The following NLGN4X variants were observed in gnomAD, a reference collection of about 807,000 sequenced individuals.
NLGN4X encodes neuroligin 4 X-linked, also known as neuroligin-4, X-linked.
A neutral mutation model predicts 40.3 loss-of-function variants in NLGN4X; 3 were observed. That is an observed-to-expected ratio of 0.07 (90% confidence interval 0.03 to 0.19). The LOEUF (loss-of-function observed/expected upper bound fraction) is 0.19, where lower values mean the gene tolerates loss of function less well. Among genes scored for constraint, NLGN4X ranks in the 10% least tolerant of loss-of-function variants. The pLI, the probability that NLGN4X is intolerant of heterozygous loss-of-function variation, is 1.00. For missense variants in NLGN4X, 382 were observed against 708.3 expected (o/e 0.54, Z 5.23); for synonymous variants, 270 against 306.8 (o/e 0.88, Z 1.25).
At position 5,891,721 on chromosome X, in the gene NLGN4X, A is replaced by C. The variant is rs2031181922; in HGVS notation, c.*1096T>G. The C allele has an allele frequency of 5.6e-6, 1 of 177,124 alleles. No homozygotes were observed. The highest frequency in any genetic ancestry group is 7.1e-5 in the Admixed American group (1 of 14,019). The allele number at this position is 177,124 out of a possible 1,213,427, so 14.6% of individuals were successfully genotyped here. A position where few individuals can be genotyped will look rare whatever the true frequency, so the allele number is the denominator to read the frequency against. On this transcript the variant is annotated 3_prime_UTR_variant, in exon 6 of 6. Coordinates refer to ENST00000381095, the MANE Select transcript of NLGN4X (RefSeq NM_181332.3). Reference sequence around the variant, plus strand: ...CTCCCTACTGATTCTTTGTGTGTGCATGTCTCTAATTTAACAAGCTGTAAA... The same window carrying C: ...CTCCCTACTGATTCTTTGTGTGTGCCTGTCTCTAATTTAACAAGCTGTAAA...
intron 2 of NLGN4X, among the ~76,000 whole-genome samples, chrX:6,056,289 A>G (rs1186016704): frequency 2.7e-5 from 3 of 111,378 alleles, no homozygotes; most frequent in Non-Finnish European, 5.6e-5. Flanking sequence ...CAGCCTGGCC[A>G]ACATGGCAAA....
At chrX:6,054,141 T>A (rs1417911238) in intron 2 of NLGN4X, among the ~76,000 whole-genome samples, 4 of 112,175 alleles carry the variant, frequency 3.6e-5, no homozygotes, top group Non-Finnish European at 5.6e-5. Context: ...GCAACTTTTT[T>A]TTTATTTATT....
intron 2 of NLGN4X, among the ~76,000 whole-genome samples, chrX:6,090,105 C>T (rs2038600992): frequency 9.0e-6 from 1 of 111,155 alleles, no homozygotes; most frequent in Non-Finnish European, 1.9e-5. Flanking sequence ...GGTAACACCT[C>T]CTGCAGAGAT....
intron 2 of NLGN4X, among the ~76,000 whole-genome samples, chrX:6,073,460 G>A (rs1483727953): frequency 1.8e-5 from 2 of 112,250 alleles, no homozygotes; most frequent in African/African-American, 6.5e-5. Context: ...GTGACATTTT[G>A]CATAGAGGGC....
At chrX:6,127,441 T>G (rs1419514950) in intron 2 of NLGN4X, among the ~76,000 whole-genome samples, 1 of 112,017 alleles carries the variant, frequency 8.9e-6, no homozygotes, top group Non-Finnish European at 1.9e-5. Context: ...AAACCCCATC[T>G]CTACTAAAAT....
intron 3 of NLGN4X, among the ~76,000 whole-genome samples, chrX:6,017,471 A>G (rs1422804078): frequency 1.8e-5 from 2 of 111,836 alleles, no homozygotes; most frequent in Non-Finnish European, 3.8e-5. Context: ...AGAGGTTCGC[A>G]ATATATTGAA....
intron 2 of NLGN4X, among the ~76,000 whole-genome samples, chrX:6,115,069 T>G (rs756176445): frequency 8.2e-4 from 92 of 112,335 alleles, no homozygotes; most frequent in Non-Finnish European, 1.5e-3. Flanking sequence ...AAACAATGCC[T>G]GTGTGTTGGA....
At chrX:6,200,758 C>G (rs1039234410) in intron 1 of NLGN4X, among the ~76,000 whole-genome samples, 29 of 90,911 alleles carry the variant, frequency 3.2e-4, no homozygotes, top group African/African-American at 1.3e-3. Context: ...GCAATCCTAG[C>G]TCATTATAAC....
intron 2 of NLGN4X, among the ~76,000 whole-genome samples, chrX:6,034,178 C>T (rs1438404658): frequency 1.8e-5 from 2 of 112,255 alleles, no homozygotes; most frequent in Non-Finnish European, 3.8e-5. Context: ...CTTGCTGATC[C>T]ACTTTCTGTC....
In NLGN4X at chrX:5,980,832, G is replaced by A. The variant is rs192737826; in HGVS notation, c.625+48448C>T. The stretch of plus-strand genomic sequence containing the variant: ...TAAGTCTTGAGCTCAGGTAGCAGGA[G>A]CCCTCCAAGTATGTTCTACTGCTAC... On this transcript the variant is annotated intron_variant, in intron 3 of 5. Transcript: ENST00000381095. Among the ~76,000 whole-genome samples, 8 of 111,032 alleles carry A rather than the reference G, an allele frequency of 7.2e-5. No homozygotes were observed. The East Asian group carries it at 2.3e-3, about 31-fold the overall frequency.
intron 3 of NLGN4X, among the ~76,000 whole-genome samples, chrX:6,024,630 T>C (rs1043595128): frequency 9.0e-6 from 1 of 110,898 alleles, no homozygotes; most frequent in Non-Finnish European, 1.9e-5. Flanking sequence ...TAGAGTGATG[T>C]CTGGTCATCC....
At chrX:6,059,243 C>T (rs1663681442) in intron 2 of NLGN4X, among the ~76,000 whole-genome samples, 1 of 111,587 alleles carries the variant, frequency 9.0e-6, no homozygotes, top group African/African-American at 3.3e-5. Flanking sequence ...TCAGTCTCTA[C>T]ATTTATAAGG....
chrX:6,079,335 T>C (rs1272975786), intron 2 of NLGN4X, among the ~76,000 whole-genome samples: 1 of 112,193 alleles, frequency 8.9e-6, no homozygotes, highest in Non-Finnish European at 1.9e-5. Flanking sequence ...CACATCTCTG[T>C]AACAGAGTTA....
At chrX:6,035,912 G>A (rs988078352) in intron 2 of NLGN4X, among the ~76,000 whole-genome samples, 5 of 111,833 alleles carry the variant, frequency 4.5e-5, no homozygotes, top group African/African-American at 1.6e-4. Flanking sequence ...ACAGTGCATT[G>A]TATATATAAC....
At chrX:6,140,239 T>C (rs2039914854) in intron 2 of NLGN4X, among the ~76,000 whole-genome samples, 1 of 111,599 alleles carries the variant, frequency 9.0e-6, no homozygotes, top group Non-Finnish European at 1.9e-5. Flanking sequence ...GCACTTTCCC[T>C]GAGGCAAACT....
chrX:6,166,143 T>C (rs1277009144), intron 1 of NLGN4X, among the ~76,000 whole-genome samples: 1 of 112,852 alleles, frequency 8.9e-6, no homozygotes, highest in Non-Finnish European at 1.9e-5. Context: ...TTTACGCTTA[T>C]TGTACTTTGA....
intron 2 of NLGN4X, among the ~76,000 whole-genome samples, chrX:6,123,196 C>T (rs2039462676): frequency 9.0e-6 from 1 of 111,373 alleles, no homozygotes; most frequent in African/African-American, 3.3e-5. Flanking sequence ...TTTTTGAGTA[C>T]CTCAAATGTA....
chrX:5,932,931 A>T (rs2033602608), intron 3 of NLGN4X, among the ~76,000 whole-genome samples: 1 of 111,624 alleles, frequency 9.0e-6, no homozygotes, highest in Non-Finnish European at 1.9e-5. Context: ...AAGAAATTTA[A>T]GAACATCAAA....
At chrX:6,087,584 T>C (rs894447741) in intron 2 of NLGN4X, among the ~76,000 whole-genome samples, 1 of 111,888 alleles carries the variant, frequency 8.9e-6, no homozygotes, top group African/African-American at 3.2e-5. Flanking sequence ...TCTTTGTGTA[T>C]ATATCTGTAA....
Sources: gnomAD v4.1 joint callset for allele counts (sites outside exome capture counted in the v4.1 genomes callset) on GRCh38, gnomAD v4.1.1 for gene constraint, MANE v1.5 for transcripts, NCBI Gene and HGNC (gene_info 2026-07-23, HGNC 2026-07-21) for gene names.